HEATR1: variants seen among roughly 807,000 people sequenced by gnomAD.
The protein encoded by HEATR1 is HEAT repeat-containing protein 1.
In HEATR1, 77 loss-of-function variants were observed where a neutral mutation model predicts 248.2. The observed-to-expected ratio is 0.31, with a 90% CI of 0.26 to 0.37. HEATR1 has a LOEUF of 0.37. Ranked by LOEUF, HEATR1 falls within the 10% of genes least tolerant of loss-of-function variation. The pLI is 1.00. For synonymous variants in HEATR1, 897 were observed against 923.1 expected (o/e 0.97, Z 0.51); for missense variants, 2,420 against 2,504.9 (o/e 0.97, Z 0.72).
intron 3 of HEATR1, among the ~76,000 whole-genome samples, chr1:236,601,379 T>C (rs1664320493): frequency 6.6e-6 from 1 of 152,140 alleles, no homozygotes; most frequent in Non-Finnish European, 1.5e-5. Flanking sequence ...CCCAAGTAGC[T>C]AGAATTACAA....
At chr1:236,595,273 C>G (rs1436174792) in intron 8 of HEATR1, among the ~76,000 whole-genome samples, 1 of 151,954 alleles carries the variant, frequency 6.6e-6, no homozygotes, top group Non-Finnish European at 1.5e-5. Flanking sequence ...GTATTCCAGT[C>G]TTTTTCATGT....
intron 24 of HEATR1, among the ~76,000 whole-genome samples, chr1:236,573,085 A>T (rs1197021710): frequency 6.6e-6 from 1 of 152,188 alleles, no homozygotes; most frequent in Non-Finnish European, 1.5e-5. Context: ...TCAGATTTTC[A>T]TTTTAACCAA....
Position 236,594,096 on chromosome 1 carries a change from A to G in HEATR1, c.1109T>C (p.Met370Thr). Reference sequence around the variant, plus strand: ...GTGTCTCTTGTAGATTTGACCATCCATTCCTTCAGTTTCTTCTCCTTAATA... The same window carrying G: ...GTGTCTCTTGTAGATTTGACCATCCGTTCCTTCAGTTTCTTCTCCTTAATA... ...HHVTGEETEG[M>T]DGQIYKRHLE... Residue 370 changes from methionine to threonine, a missense_variant, in exon 9 of 45, where the codon ATG becomes ACG. Met to Thr is a moderately conservative substitution (Grantham distance 81). Transcript: ENST00000366582. 6.3e-7 allele frequency: 1 copy of G among 1,594,948 alleles called. No individual in the cohort carries two copies. The highest frequency in any genetic ancestry group is 8.5e-7 in the Non-Finnish European group (1 of 1,171,840).
At chr1:236,557,885 G>A (rs1663019367) in intron 36 of HEATR1, among the ~76,000 whole-genome samples, 1 of 152,218 alleles carries the variant, frequency 6.6e-6, no homozygotes, top group Non-Finnish European at 1.5e-5. Context: ...GCAAAGTAGT[G>A]CATCTGAAGA....
At position 236,559,050 on chromosome 1, in the gene HEATR1, G is replaced by A. The variant is rs760041607; in HGVS notation, c.4856C>T (p.Ala1619Val). Residue 1619 changes from alanine (A) to valine (V), a missense_variant, in exon 35 of 45, where the codon GCG (alanine) becomes GTG (valine). Coordinates refer to ENST00000366582, the MANE Select transcript of HEATR1 (RefSeq NM_018072.6). ...GNPLPSVRRK[A>V]LDLLNNKLQQ... ...CAGCTTGTTATTCAAAAGGTCCAGCGCTTTGCGGCGAACAGATGGCAGGGG... is the reference window on the plus strand; with the variant it reads ...CAGCTTGTTATTCAAAAGGTCCAGCACTTTGCGGCGAACAGATGGCAGGGG... The A allele has an allele frequency of 1.6e-5, 26 of 1,612,622 alleles. No individual in the cohort carries two copies. The highest frequency in any genetic ancestry group is 2.2e-5 in the South Asian group (2 of 90,856).
chr1:236,551,242 A>T (rs1662727456), intron 44 of HEATR1: 1 of 473,678 alleles, frequency 2.1e-6, no homozygotes, highest in Non-Finnish European at 3.7e-6. Context: ...CTTCCTAGGG[A>T]TGCCACCCCT....
intron 16 of HEATR1, 124 bp downstream of exon 16, chr1:236,585,696 G>T: frequency 1.3e-6 from 1 of 783,132 alleles, no homozygotes; most frequent in Non-Finnish European, 2.0e-6. Context: ...AACGTTTAAA[G>T]TAAAACCAAG....
chr1:236,553,335 A>T (rs932887904), intron 43 of HEATR1, among the ~76,000 whole-genome samples: 1 of 152,252 alleles, frequency 6.6e-6, no homozygotes, highest in African/African-American at 2.4e-5. Flanking sequence ...ACTTCTGCCC[A>T]ACGCACCATT....
intron 32 of HEATR1, among the ~76,000 whole-genome samples, chr1:236,562,934 TATATA>T (rs1160990513): frequency 4.3e-5 from 2 of 46,726 alleles, no homozygotes; most frequent in Admixed American, 2.6e-4. Context: ...ATAACAATAT[TATATA>T]ACAGTGGTGA....
At chr1:236,564,435 T>A (rs1663215322) in intron 32 of HEATR1, 63 bp downstream of exon 32, 2 of 1,455,572 alleles carry the variant, frequency 1.4e-6, no homozygotes, top group South Asian at 2.5e-5. Context: ...TTCTACTGGT[T>A]GAGAACAGTT....
At chr1:236,596,235 T>G (rs923909876) in intron 6 of HEATR1, among the ~76,000 whole-genome samples, 191 bp from the exon 7 acceptor site, 32 of 152,160 alleles carry the variant, frequency 2.1e-4, no homozygotes, top group African/African-American at 6.8e-4. Context: ...GACAAGTCTG[T>G]TGAACGAGAC....
rs1203731273 is a variant in HEATR1 at position 236,594,056 on chromosome 1, A to C, written c.1149T>G (p.Leu383=). 1 of 1,600,174 alleles carries C rather than the reference A, an allele frequency of 6.2e-7. No homozygotes were observed. The highest frequency in any genetic ancestry group is 8.5e-7 in the Non-Finnish European group (1 of 1,175,274). Residue 383 remains leucine (L), a synonymous_variant, in exon 9 of 45, where the codon CTT becomes CTG. Transcript: ENST00000366582. ...QIYKRHLEAI[L]TKISLKNNLD... The stretch of plus-strand genomic sequence containing the variant: ...AGTTGTTCTTCAGTGATATTTTTGT[A>C]AGTATAGCTTCTAAGTGTCTCTTGT...
Position 236,597,998 on chromosome 1 carries a change from A to G in HEATR1, c.502-19T>C. 1 of 1,498,364 alleles carries G rather than the reference A, an allele frequency of 6.7e-7. No homozygotes were observed. 92.8% of individuals were successfully genotyped at this position (1,498,364 alleles called of 1,614,324 possible). A position where few individuals can be genotyped will look rare whatever the true frequency, so the allele number is the denominator to read the frequency against. On this transcript the variant is annotated intron_variant, in intron 4 of 44. Coordinates refer to ENST00000366582, the MANE Select transcript of HEATR1 (RefSeq NM_018072.6). ...CAGATTGCTGTTATTGATGGAAAGA[A>G]CAAACTACTAGCAACATTCATCAAC...
At chr1:236,587,921 A>T in intron 13 of HEATR1, 27 bp downstream of exon 13, 1 of 1,504,650 alleles carries the variant, frequency 6.6e-7, no homozygotes, top group Non-Finnish European at 9.2e-7. Flanking sequence ...AAAATTGTAT[A>T]CCTCAACAAA....
At chr1:236,556,074 A>T in intron 38 of HEATR1, 26 bp downstream of exon 38, 1 of 1,613,580 alleles carries the variant, frequency 6.2e-7, no homozygotes, top group Non-Finnish European at 8.5e-7. Context: ...CCTTCTCCAA[A>T]GTCTTAATAC....
In HEATR1 at chr1:236,595,604, A is replaced by G. The variant is rs1487103842; in HGVS notation, c.1026T>C (p.Asp342=). 3 of 1,608,542 alleles carry G rather than the reference A, an allele frequency of 1.9e-6. No homozygotes were observed. Among genetic ancestry groups the G allele is most frequent in the East Asian group, 2.2e-5 (1 of 44,836 alleles). Residue 342 remains aspartate, a synonymous_variant, in exon 8 of 45, where the codon GAT becomes GAC. Transcript: ENST00000366582. ...GCATGTAATGCAGAAGAGGACTGAC[A>G]TCGTAAGTTTCAGAAATCCCATGAA... The part of the protein sequence containing the change: ...TILHGISETY[D]VSPLLHYMLP...
At chr1:236,568,868 A>T in intron 29 of HEATR1, 128 bp downstream of exon 29, 1 of 473,856 alleles carries the variant, frequency 2.1e-6, no homozygotes, top group Non-Finnish European at 3.3e-6. Context: ...AGGCTTTTAT[A>T]CAACTGTTGA....
rs560090056 is a variant in HEATR1, at chr1:236,549,537, A to C, written c.*1365T>G. 3 of 152,224 alleles carry C rather than the reference A, an allele frequency of 2.0e-5. No individual in the cohort carries two copies. The East Asian group carries it at 5.8e-4, about 29-fold the overall frequency. The allele number at this position is 152,224 out of a possible 1,614,324, so 9.4% of individuals were successfully genotyped here. A position where few individuals can be genotyped will look rare whatever the true frequency, so the allele number is the denominator to read the frequency against. On this transcript the variant is annotated 3_prime_UTR_variant, in exon 45 of 45. Transcript: ENST00000366582. ...TACCATTGTCAATCTTATTTTTTTA[A>C]AAGTACTCAGTGTAGAAATCGCTAG...
Position 236,585,095 on chromosome 1 carries a change from G to A in HEATR1, c.2171C>T (p.Pro724Leu), listed in dbSNP as rs766701060. The stretch of plus-strand genomic sequence containing the variant: ...CAAACTGAAGACTCTTATCGCAAAT[G>A]GAAAGTGGGTTTCTTTTAAAGATGA... ...CCSSLKETHFPFAIRVFSLLQ... is the reference protein window; with the variant it reads ...CCSSLKETHFLFAIRVFSLLQ... The change falls in exon 17 of 45, where the codon CCA (proline) becomes CTA (leucine). Residue 724 changes from proline to leucine, a missense_variant. Transcript: ENST00000366582. The A allele has an allele frequency of 7.4e-6, 12 of 1,613,944 alleles. No homozygotes were observed. In the South Asian group the frequency reaches 1.2e-4, roughly 16 times the overall value.
Sources: allele counts gnomAD v4.1 joint callset (sites outside exome capture counted in the v4.1 genomes callset), GRCh38; gene constraint gnomAD v4.1.1; transcripts MANE v1.5; gene names NCBI Gene and HGNC (gene_info 2026-07-23, HGNC 2026-07-21).